Variants in BCL11A observed in about 807,000 individuals in gnomAD.
BCL11A encodes the protein BCL11 transcription factor A.
Under a neutral mutation model 55.9 loss-of-function variants are expected in BCL11A, and 2 were observed. The observed-to-expected ratio is 0.04, with a 90% CI of 0.01 to 0.11. BCL11A has a LOEUF of 0.11. BCL11A is among the 10% of genes least tolerant of loss of function. BCL11A has a pLI of 1.00. For missense variants in BCL11A, 817 were observed against 1,137.1 expected (o/e 0.72, Z 4.05); for synonymous variants, 465 against 473.4 (o/e 0.98, Z 0.23).
At position 60,553,414 on chromosome 2, in the gene BCL11A, T is replaced by A. The variant is rs1670504366; in HGVS notation, c.-144A>T. 1.7e-6 allele frequency: 1 copy of A among 579,276 alleles called. No homozygotes were observed. Among genetic ancestry groups the A allele is most frequent in the African/African-American group, 2.4e-5 (1 of 42,170 alleles). 35.9% of individuals were successfully genotyped at this position (579,276 alleles called of 1,614,324 possible). A position where few individuals can be genotyped will look rare whatever the true frequency, so the allele number is the denominator to read the frequency against. ...AGTGCCTTTTGACATCCAAAATAAA[T>A]TAGAAATAATACAAAGATGGCGCAG... On this transcript the variant is annotated 5_prime_UTR_variant, in exon 1 of 4. An upstream open reading frame in the 5' UTR loses its in-frame stop. Transcript: ENST00000642384.
chr2:60,553,185 T>C, intron 1 of BCL11A, 31 bp downstream of exon 1: 1 of 1,588,338 alleles, frequency 6.3e-7, no homozygotes. Flanking sequence ...TGATTATTAA[T>C]AATTATTATT....
intron 2 of BCL11A, among the ~76,000 whole-genome samples, chr2:60,493,160 C>G (rs913047452): frequency 4.3e-5 from 6 of 140,306 alleles, no homozygotes; most frequent in Admixed American, 1.4e-4. Context: ...GAGTGTGTTA[C>G]TCTTTCATTC....
chr2:60,547,538 C>T (rs1377073906), intron 1 of BCL11A, among the ~76,000 whole-genome samples: 2 of 148,934 alleles, frequency 1.3e-5, no homozygotes, highest in African/African-American at 2.5e-5. Context: ...TCACAAAATA[C>T]AAAACATCCA....
chr2:60,484,555 C>G (rs1277554955), intron 2 of BCL11A: 9 of 152,152 alleles, frequency 5.9e-5, no homozygotes, highest in African/African-American at 2.2e-4. Flanking sequence ...GAAACTCTCC[C>G]CTCCCTGCCT....
chr2:60,530,654 GATGTACAGTCAGCAGGT>G (rs540586574), intron 2 of BCL11A, among the ~76,000 whole-genome samples: 2,009 of 148,798 alleles, frequency 0.014, 22 homozygotes, highest in Non-Finnish European at 0.021. Context: ...GGGAGCATTT[GATGTACAGTCAGCAGGT>G]ATTTAAAAAA....
chr2:60,473,894 A>ATTGCT (rs1191968112), intron 2 of BCL11A, among the ~76,000 whole-genome samples: 5 of 152,044 alleles, frequency 3.3e-5, no homozygotes, highest in Admixed American at 2.6e-4. Context: ...TTTTTCCTTC[A>ATTGCT]TTGCTTTTTT....
intron 1 of BCL11A, among the ~76,000 whole-genome samples, chr2:60,551,423 C>T (rs929407159): frequency 6.6e-6 from 1 of 152,200 alleles, no homozygotes; most frequent in Non-Finnish European, 1.5e-5. Context: ...TGCCCTTCCC[C>T]GGCAACCCCG....
intron 3 of BCL11A, 91 bp from the exon 4 acceptor site, chr2:60,462,515 G>A: frequency 1.3e-6 from 2 of 1,507,706 alleles, no homozygotes; most frequent in African/African-American, 1.4e-5. Context: ...AGCCTTCCCT[G>A]CCCCCACCCC....
intron 2 of BCL11A, among the ~76,000 whole-genome samples, chr2:60,503,038 A>C (rs1432455411): frequency 2.0e-5 from 3 of 152,188 alleles, no homozygotes; most frequent in Non-Finnish European, 4.4e-5. Flanking sequence ...AGCAAAACCA[A>C]CGTGTCTGTC....
At chr2:60,532,330 T>G (rs1162231227) in intron 2 of BCL11A, among the ~76,000 whole-genome samples, 3 of 129,378 alleles carry the variant, frequency 2.3e-5, no homozygotes, top group Non-Finnish European at 5.0e-5. Context: ...GTTTTTGGGT[T>G]TTTTTTTTTT....
At position 60,460,182 on chromosome 2, in the gene BCL11A, A is replaced by AT. The variant is rs1676170413; in HGVS notation, c.*221_*222insA. The AT allele has an allele frequency of 4.0e-6, 5 of 1,257,324 alleles. No individual in the cohort carries two copies. The highest frequency in any genetic ancestry group is 5.0e-6 in the Non-Finnish European group (5 of 994,388). 77.9% of individuals were successfully genotyped at this position (1,257,324 alleles called of 1,614,324 possible). Reference sequence around the variant, plus strand: ...AGAACATAAAGGAAAAAAAAAAAAAAGGAAAAAGAAAAAAGAAAAAGAAAA... The same window carrying AT: ...AGAACATAAAGGAAAAAAAAAAAAAATGGAAAAAGAAAAAAGAAAAAGAAAA... On this transcript the variant is annotated 3_prime_UTR_variant, in exon 4 of 4. Transcript: ENST00000642384.
intron 2 of BCL11A, among the ~76,000 whole-genome samples, chr2:60,490,222 A>G (rs1341108275): frequency 6.6e-6 from 1 of 152,202 alleles, no homozygotes; most frequent in Non-Finnish European, 1.5e-5. Flanking sequence ...ACTCGGCATG[A>G]AGGGTATAAC....
intron 2 of BCL11A, 165 bp downstream of exon 2, chr2:60,545,806 T>C: frequency 1.5e-6 from 1 of 649,892 alleles, no homozygotes. Flanking sequence ...TTCTGTGTTC[T>C]GGACGTAAGC....
intron 2 of BCL11A, among the ~76,000 whole-genome samples, chr2:60,477,027 G>T (rs114390125): frequency 1.0e-3 from 157 of 152,240 alleles, no homozygotes; most frequent in African/African-American, 3.4e-3. Context: ...TCACACAAAC[G>T]TATCACAAAC....
intron 1 of BCL11A, among the ~76,000 whole-genome samples, chr2:60,550,364 G>A (rs973145227): frequency 1.3e-4 from 20 of 152,194 alleles, no homozygotes; most frequent in Non-Finnish European, 4.4e-5. Flanking sequence ...CGGGGTGATG[G>A]GGGAGAGAAA....
At chr2:60,541,332 A>G (rs1054062651) in intron 2 of BCL11A, among the ~76,000 whole-genome samples, 1 of 149,964 alleles carries the variant, frequency 6.7e-6, no homozygotes, top group Non-Finnish European at 1.5e-5. Flanking sequence ...TTTTAGATAT[A>G]TTTTTTTTTT....
chr2:60,545,471 C>T (rs1670106303), intron 2 of BCL11A: 1 of 158,886 alleles, frequency 6.3e-6, no homozygotes, highest in Admixed American at 6.0e-5. Flanking sequence ...CCACCACCTC[C>T]AACTACCCTG....
intron 3 of BCL11A, among the ~76,000 whole-genome samples, chr2:60,465,882 G>A (rs1676575230): frequency 1.3e-5 from 2 of 152,302 alleles, no homozygotes; most frequent in Admixed American, 6.5e-5. Flanking sequence ...CCAGAGGAAG[G>A]TCCCAGTCCA....
intron 3 of BCL11A, 107 bp from the exon 4 acceptor site, chr2:60,462,531 CCCAA>C: frequency 6.7e-7 from 1 of 1,482,272 alleles, no homozygotes; most frequent in Admixed American, 2.4e-5. Context: ...ACCCCTCAAC[CCCAA>C]GGCCTAAGCC....
Sources: gnomAD v4.1 joint callset for allele counts (sites outside exome capture counted in the v4.1 genomes callset) on GRCh38, gnomAD v4.1.1 for gene constraint, MANE v1.5 for transcripts, NCBI Gene and HGNC (gene_info 2026-07-23, HGNC 2026-07-21) for gene names.